GALNT17: variants seen among roughly 807,000 people sequenced by gnomAD.
GALNT17 encodes the protein UDP-GalNAc:polypeptide N-acetylgalactosaminyltransferase-like 3.
A neutral mutation model predicts 63.7 loss-of-function variants in GALNT17; 29 were observed. The ratio of observed to expected loss-of-function variants is 0.46; its 90% CI spans 0.34 to 0.62. The LOEUF (loss-of-function observed/expected upper bound fraction) is 0.62. Ranked by LOEUF, GALNT17 falls within the 20% of genes least tolerant of loss-of-function variation. The probability of loss-of-function intolerance (pLI) is 0.01; values close to 1 mark genes in which losing one functional copy is unlikely to be tolerated. For missense variants in GALNT17, 603 were observed against 799.6 expected, an observed-to-expected ratio of 0.75 and a Z score of 2.97; for synonymous variants, 305 against 318.3, an observed-to-expected ratio of 0.96 and a Z score of 0.45.
intron 6 of GALNT17, among the ~76,000 whole-genome samples, chr7:71,602,559 T>G (rs915029824): frequency 1.3e-5 from 2 of 152,204 alleles, no homozygotes; most frequent in African/African-American, 2.4e-5. Flanking sequence ...CTAAGATTGT[T>G]CTTGCACACA....
chr7:71,676,638 C>A (rs1410724989), intron 8 of GALNT17, among the ~76,000 whole-genome samples: 1 of 152,108 alleles, frequency 6.6e-6, no homozygotes, highest in Non-Finnish European at 1.5e-5. Context: ...CTCCTGCCTC[C>A]CAAAGTGCTG....
intron 5 of GALNT17, among the ~76,000 whole-genome samples, chr7:71,561,733 A>G (rs1789259459): frequency 6.6e-6 from 1 of 152,108 alleles, no homozygotes; most frequent in African/African-American, 2.4e-5. Flanking sequence ...GTGTCAGGGA[A>G]AAGCAAGGGT....
chr7:71,621,537 T>G (rs6460679), intron 6 of GALNT17, among the ~76,000 whole-genome samples: 39,153 of 138,584 alleles, frequency 0.28, 5,866 homozygotes, highest in African/African-American at 0.3. Context: ...ATGGATGGAT[T>G]GATGGATTGA....
intron 1 of GALNT17, among the ~76,000 whole-genome samples, chr7:71,169,669 C>T (rs965572468): frequency 1.3e-5 from 2 of 152,182 alleles, no homozygotes; most frequent in Non-Finnish European, 2.9e-5. Flanking sequence ...GATCCTCCCA[C>T]CTCAGCCTCC....
At chr7:71,708,017 T>A (rs1351642738) in intron 9 of GALNT17, among the ~76,000 whole-genome samples, 1 of 152,212 alleles carries the variant, frequency 6.6e-6, no homozygotes, top group Non-Finnish European at 1.5e-5. Context: ...ATCCAGCATT[T>A]GTTGTTGTAC....
intron 5 of GALNT17, among the ~76,000 whole-genome samples, chr7:71,485,964 TTA>T (rs1421176869): frequency 6.6e-6 from 1 of 152,176 alleles, no homozygotes; most frequent in African/African-American, 2.4e-5. Context: ...GACCCAGATT[TTA>T]TGTTATTCAA....
chr7:71,220,599 A>G (rs1789565135), intron 1 of GALNT17, among the ~76,000 whole-genome samples: 1 of 152,122 alleles, frequency 6.6e-6, no homozygotes, highest in African/African-American at 2.4e-5. Flanking sequence ...CCTAACCTCA[A>G]GTATCTCGGA....
intron 6 of GALNT17, among the ~76,000 whole-genome samples, chr7:71,625,426 G>A (rs915880495): frequency 1.3e-5 from 2 of 152,086 alleles, no homozygotes; most frequent in South Asian, 2.1e-4. Flanking sequence ...GATTATAGGC[G>A]TGAGCCACCG....
At chr7:71,400,163 CT>C (rs1338699574) in intron 3 of GALNT17, among the ~76,000 whole-genome samples, 2 of 152,178 alleles carry the variant, frequency 1.3e-5, no homozygotes, top group African/African-American at 4.8e-5. Context: ...CCCCCACCCC[CT>C]GACAGGCCCC....
At chr7:71,586,517 T>G (rs1789719824) in intron 6 of GALNT17, among the ~76,000 whole-genome samples, 1 of 152,222 alleles carries the variant, frequency 6.6e-6, no homozygotes, top group Non-Finnish European at 1.5e-5. Flanking sequence ...AGATTTCGCT[T>G]GGGTAGATAC....
chr7:71,169,785 G>A (rs1788511309), intron 1 of GALNT17, among the ~76,000 whole-genome samples: 1 of 152,074 alleles, frequency 6.6e-6, no homozygotes, highest in Admixed American at 6.6e-5. Context: ...CAAACTCCTG[G>A]GCTCAAGTGA....
At chr7:71,677,329 G>C in intron 9 of GALNT17, 23 bp downstream of exon 9, 1 of 1,608,400 alleles carries the variant, frequency 6.2e-7, no homozygotes, top group South Asian at 1.1e-5. Flanking sequence ...CTCTGACCAG[G>C]AAGGAAGTAA....
intron 9 of GALNT17, among the ~76,000 whole-genome samples, chr7:71,703,164 C>T (rs1222880692): frequency 2.0e-5 from 3 of 152,204 alleles, no homozygotes; most frequent in Non-Finnish European, 4.4e-5. Context: ...CAGCACAGCG[C>T]CTGGGGGCAA....
Position 71,132,601 on chromosome 7 carries a change from T to G in GALNT17, c.-202T>G. 5.4e-6 allele frequency: 3 copies of G among 557,888 alleles called. No individual in the cohort carries two copies. The highest frequency in any genetic ancestry group is 2.2e-5 in the South Asian group (1 of 45,018). The allele number at this position is 557,888 out of a possible 1,614,324, so 34.6% of individuals were successfully genotyped here. ...CACTTCTGCAGAGCGAGGACTTCCATGTGAGCGATTCCGTTCTCCCCACCA... is the reference window on the plus strand; with the variant it reads ...CACTTCTGCAGAGCGAGGACTTCCAGGTGAGCGATTCCGTTCTCCCCACCA... On this transcript the variant is annotated 5_prime_UTR_variant, in exon 1 of 11. An upstream start codon of the reference 5' UTR is lost. Coordinates refer to ENST00000333538, the MANE Select transcript of GALNT17 (RefSeq NM_022479.3).
intron 1 of GALNT17, among the ~76,000 whole-genome samples, chr7:71,269,946 C>A (rs1335702405): frequency 2.0e-5 from 3 of 152,164 alleles, no homozygotes; most frequent in African/African-American, 4.8e-5. Flanking sequence ...CTCTCTGAAA[C>A]GCTTTGTACT....
rs1319902831 is a variant in GALNT17, at chr7:71,356,962, A to G, written c.422+21229A>G. ...ATGCCTGGCTAATTTTTGTATTTTT[A>G]GTAGAGACAGGGTTTCACCACGTTG... On this transcript the variant is annotated intron_variant, in intron 2 of 10. Transcript: ENST00000333538. 3.3e-5 allele frequency among the ~76,000 whole-genome samples: 5 copies of G among 151,774 alleles called. No homozygotes were observed. The East Asian group carries it at 9.7e-4, about 29-fold the overall frequency.
At chr7:71,372,984 T>A (rs1792653437) in intron 2 of GALNT17, among the ~76,000 whole-genome samples, 2 of 152,150 alleles carry the variant, frequency 1.3e-5, no homozygotes, top group African/African-American at 4.8e-5. Context: ...GTGGGGAGCT[T>A]TTAGTATCAA....
intron 1 of GALNT17, among the ~76,000 whole-genome samples, chr7:71,246,955 G>A (rs1007327671): frequency 3.6e-5 from 5 of 139,282 alleles, no homozygotes; most frequent in Non-Finnish European, 7.8e-5. Flanking sequence ...GGGGGGAGGG[G>A]GGAGGGGCAA....
intron 1 of GALNT17, among the ~76,000 whole-genome samples, chr7:71,237,513 A>G (rs1469325365): frequency 6.5e-5 from 7 of 107,274 alleles, no homozygotes; most frequent in African/African-American, 2.5e-4. Flanking sequence ...CCATCTCTGA[A>G]AAAAAAAAAA....
Sources: gnomAD v4.1 joint callset for allele counts (sites outside exome capture counted in the v4.1 genomes callset) on GRCh38, gnomAD v4.1.1 for gene constraint, MANE v1.5 for transcripts, NCBI Gene and HGNC (gene_info 2026-07-23, HGNC 2026-07-21) for gene names.